The following TEX11 variants were observed in gnomAD, a reference collection of about 807,000 sequenced individuals.
The protein encoded by TEX11 is testis expressed 11.
In TEX11, 7 loss-of-function variants were observed where a neutral mutation model predicts 84.4. That is an observed-to-expected ratio of 0.08 (90% CI 0.05 to 0.16). The LOEUF (loss-of-function observed/expected upper bound fraction) is 0.16. TEX11 is among the 10% of genes least tolerant of loss of function. The probability of loss-of-function intolerance (pLI) is 1.00; values close to 1 mark genes in which losing one functional copy is unlikely to be tolerated. For missense variants in TEX11, 551 were observed against 660.5 expected (o/e 0.83, Z 1.82); for synonymous variants, 264 against 222.8 (o/e 1.18, Z -1.64).
chrX:70,633,648 T>C (rs1278339506), intron 17 of TEX11, among the ~76,000 whole-genome samples: 4 of 112,342 alleles, frequency 3.6e-5, no homozygotes, highest in Non-Finnish European at 7.5e-5. Context: ...GCTGGTGCAG[T>C]AGCTCATGCC....
At chrX:70,887,690 C>T (rs1277041504) in intron 2 of TEX11, among the ~76,000 whole-genome samples, 2 of 98,989 alleles carry the variant, frequency 2.0e-5, no homozygotes, top group South Asian at 4.8e-4. Flanking sequence ...GGCTTCACCA[C>T]CTGCTGGTTG....
intron 2 of TEX11, among the ~76,000 whole-genome samples, chrX:70,906,104 T>A (rs1311877191): frequency 9.2e-5 from 2 of 21,684 alleles, no homozygotes; most frequent in Non-Finnish European, 1.4e-4. Flanking sequence ...TATATATATA[T>A]ATATATATAT....
At chrX:70,862,672 G>A (rs1430478180) in intron 4 of TEX11, among the ~76,000 whole-genome samples, 1 of 108,602 alleles carries the variant, frequency 9.2e-6, no homozygotes, top group Non-Finnish European at 1.9e-5. Context: ...AAGAGGCTGA[G>A]GTGGGTAAAT....
chrX:70,557,275 T>A (rs1401755438), intron 25 of TEX11, among the ~76,000 whole-genome samples: 1 of 103,817 alleles, frequency 9.6e-6, no homozygotes, highest in Non-Finnish European at 2.0e-5. Flanking sequence ...TTGAGACCAG[T>A]CTGGCCAACA....
At chrX:70,775,906 C>A (rs1410080352) in intron 9 of TEX11, among the ~76,000 whole-genome samples, 2 of 108,979 alleles carry the variant, frequency 1.8e-5, no homozygotes, top group African/African-American at 3.3e-5. Flanking sequence ...TATCATCTTA[C>A]CCCACCCAGT....
intron 11 of TEX11, among the ~76,000 whole-genome samples, chrX:70,730,109 G>A (rs935463528): frequency 1.8e-5 from 2 of 111,810 alleles, no homozygotes; most frequent in Non-Finnish European, 3.8e-5. Context: ...AGCAAATGCT[G>A]AGAGATTCTG....
In TEX11 at chrX:70,618,357, A is replaced by G. The variant is rs1471314539; in HGVS notation, c.1751+5593T>C. Reference sequence around the variant, plus strand: ...AGGTGATGAGAATCAACAAGTGGATATCTCTGTGTGCTCCCTTGAGGCGGC... The same window carrying G: ...AGGTGATGAGAATCAACAAGTGGATGTCTCTGTGTGCTCCCTTGAGGCGGC... On this transcript the variant is annotated intron_variant, in intron 20 of 29. Coordinates refer to ENST00000374333, the MANE Select transcript of TEX11 (RefSeq NM_031276.3). 5.4e-5 allele frequency among the ~76,000 whole-genome samples: 6 copies of G among 111,531 alleles called. No individual in the cohort carries two copies. The Admixed American group carries it at 5.7e-4, about 11-fold the overall frequency.
At chrX:70,512,706 G>C in the TEX11 span, among the ~76,000 whole-genome samples, 1 of 109,224 alleles carries the variant, frequency 9.2e-6, no homozygotes, top group Non-Finnish European at 1.9e-5. Flanking sequence ...TGGATGAATG[G>C]ACAGATGAAT....
chrX:70,832,547 C>A (rs2091382549), intron 8 of TEX11, among the ~76,000 whole-genome samples: 1 of 111,645 alleles, frequency 9.0e-6, no homozygotes. Context: ...TTATGACACC[C>A]AATTTGGGGA....
chrX:70,520,318 TTGTTGA>T, the TEX11 span, among the ~76,000 whole-genome samples: 24 of 111,999 alleles, frequency 2.1e-4, no homozygotes, highest in South Asian at 1.1e-3. Flanking sequence ...GATGTCCTTT[TTGTTGA>T]TGTTGATGCT....
At chrX:70,557,052 C>T (rs1335420737) in intron 25 of TEX11, among the ~76,000 whole-genome samples, 2 of 109,528 alleles carry the variant, frequency 1.8e-5, no homozygotes, top group African/African-American at 3.3e-5. Context: ...CCAGTCTTGG[C>T]CTCCCAAAGT....
intron 13 of TEX11, among the ~76,000 whole-genome samples, chrX:70,712,933 T>C (rs1266287546): frequency 9.0e-6 from 1 of 111,575 alleles, no homozygotes; most frequent in African/African-American, 3.3e-5. Context: ...GGGTTTGTCA[T>C]AGATAGCTCT....
chrX:70,760,419 T>C (rs1337287708), intron 9 of TEX11, among the ~76,000 whole-genome samples: 1 of 111,237 alleles, frequency 9.0e-6, no homozygotes, highest in Non-Finnish European at 1.9e-5. Flanking sequence ...AACAGAGATA[T>C]AGACCAATGG....
intron 28 of TEX11, among the ~76,000 whole-genome samples, chrX:70,530,893 A>T (rs2087879031): frequency 8.9e-6 from 1 of 111,957 alleles, no homozygotes; most frequent in Non-Finnish European, 1.9e-5. Context: ...TTCACAAGGT[A>T]TGTGATTAAG....
intron 8 of TEX11, among the ~76,000 whole-genome samples, chrX:70,826,152 AT>A (rs1241972767): frequency 9.1e-6 from 1 of 110,321 alleles, no homozygotes; most frequent in Non-Finnish European, 1.9e-5. Flanking sequence ...TCTACTAAAA[AT>A]ACAAAAAAGT....
rs2090399747 is a variant in TEX11 at position 70,708,794 on chromosome X, GA to G, written c.1004+13823del. On this transcript the variant is annotated intron_variant, in intron 13 of 29. Transcript: ENST00000374333. Reference sequence around the variant, plus strand: ...GGGAATAATAGACAACGGACTAGTAGAGGGGGGAGAGGTGAAGGGCATGTGG... The same window carrying G: ...GGGAATAATAGACAACGGACTAGTAGGGGGGGAGAGGTGAAGGGCATGTGG... Among the ~76,000 whole-genome samples the G allele has an allele frequency of 2.7e-5, 3 of 110,383 alleles. No homozygotes were observed. The South Asian group carries it at 1.2e-3, about 42-fold the overall frequency.
intron 21 of TEX11, 97 bp from the exon 22 acceptor site, chrX:70,609,274 A>G (rs2089232182): frequency 1.3e-6 from 1 of 748,314 alleles, no homozygotes; most frequent in Non-Finnish European, 1.9e-6. Flanking sequence ...AGGAGTTTGA[A>G]TTTAGAAAGT....
chrX:70,679,846 C>T (rs868320316), intron 14 of TEX11, among the ~76,000 whole-genome samples: 1 of 82,471 alleles, frequency 1.2e-5, no homozygotes, highest in African/African-American at 4.2e-5. Flanking sequence ...GTCAGCCCCC[C>T]GCCCGGCCAG....
chrX:70,658,465 A>T (rs2089895122), intron 16 of TEX11, among the ~76,000 whole-genome samples: 1 of 111,630 alleles, frequency 9.0e-6, no homozygotes, highest in Non-Finnish European at 1.9e-5. Context: ...AATTAGAAAA[A>T]CTCAGAAATG....
Sources: gnomAD v4.1 joint callset for allele counts (sites outside exome capture counted in the v4.1 genomes callset) on GRCh38, gnomAD v4.1.1 for gene constraint, MANE v1.5 for transcripts, NCBI Gene and HGNC (gene_info 2026-07-23, HGNC 2026-07-21) for gene names.